FIGN: variants seen among roughly 807,000 people sequenced by gnomAD.
The protein encoded by FIGN is fidgetin, microtubule severing factor, also known as fidgetin.
Under a neutral mutation model 51.3 loss-of-function variants are expected in FIGN, and 11 were observed. The observed-to-expected ratio is 0.21, with a 90% CI of 0.13 to 0.35. The LOEUF is 0.35. FIGN is among the 10% of genes least tolerant of loss of function. The pLI is 1.00. For synonymous variants in FIGN, 407 were observed against 363.2 expected, an observed-to-expected ratio of 1.12 and a Z score of -1.37; for missense variants, 857 against 943.6, an observed-to-expected ratio of 0.91 and a Z score of 1.20.
At chr2:163,699,730 G>A (rs1684378672) in intron 2 of FIGN, among the ~76,000 whole-genome samples, 1 of 152,128 alleles carries the variant, frequency 6.6e-6, no homozygotes, top group Admixed American at 6.6e-5. Context: ...AGAATCTGTA[G>A]TGAATTTTTG....
At chr2:163,696,492 A>G (rs1684321378) in intron 2 of FIGN, among the ~76,000 whole-genome samples, 1 of 152,198 alleles carries the variant, frequency 6.6e-6, no homozygotes, top group African/African-American at 2.4e-5. Context: ...GCAAGTATCC[A>G]GGAGTTATTT....
chr2:163,607,676 A>G lies in FIGN; in HGVS notation c.*1876T>C, dbSNP rs1691139284. On this transcript the variant is annotated 3_prime_UTR_variant, in exon 3 of 3. Coordinates refer to ENST00000333129, the MANE Select transcript of FIGN (RefSeq NM_018086.4). The stretch of plus-strand genomic sequence containing the variant: ...AATGTACATCACTTATTTATTGAAT[A>G]CATAAAATGCCAGTGCTTTGCAACA... The G allele has an allele frequency of 6.6e-6, 1 of 152,618 alleles. No homozygotes were observed. The highest frequency in any genetic ancestry group is 1.5e-5 in the Non-Finnish European group (1 of 68,044). The allele number at this position is 152,618 out of a possible 1,614,324, so 9.5% of individuals were successfully genotyped here. A position where few individuals can be genotyped will look rare whatever the true frequency, so the allele number is the denominator to read the frequency against.
At chr2:163,719,345 A>C (rs539406390) in intron 2 of FIGN, among the ~76,000 whole-genome samples, 9 of 152,178 alleles carry the variant, frequency 5.9e-5, no homozygotes, top group Non-Finnish European at 1.2e-4. Context: ...AGGAGAAGGC[A>C]GAGAGGAAGC....
intron 2 of FIGN, among the ~76,000 whole-genome samples, chr2:163,642,168 C>T (rs1683315788): frequency 6.6e-6 from 1 of 152,154 alleles, no homozygotes; most frequent in South Asian, 2.1e-4. Flanking sequence ...GTAAAATACC[C>T]ATTGAGAGTT....
At chr2:163,672,531 C>T (rs928614703) in intron 2 of FIGN, among the ~76,000 whole-genome samples, 4 of 152,130 alleles carry the variant, frequency 2.6e-5, no homozygotes, top group Non-Finnish European at 4.4e-5. Context: ...GCTCTGCACA[C>T]AATAGGTGCT....
chr2:163,625,620 G>A (rs974681191), intron 2 of FIGN, among the ~76,000 whole-genome samples: 8 of 151,904 alleles, frequency 5.3e-5, no homozygotes, highest in African/African-American at 1.9e-4. Flanking sequence ...GATGATGCAT[G>A]TGCTAAAATA....
chr2:163,683,280 G>A (rs1456002795), intron 2 of FIGN, among the ~76,000 whole-genome samples: 1 of 152,146 alleles, frequency 6.6e-6, no homozygotes, highest in Non-Finnish European at 1.5e-5. Context: ...GATTAGTTTT[G>A]TAAATAGAGT....
chr2:163,652,355 C>CACAA (rs1239756271), intron 2 of FIGN, among the ~76,000 whole-genome samples: 1 of 132,618 alleles, frequency 7.5e-6, no homozygotes, highest in Admixed American at 7.5e-5. Context: ...CACACACACA[C>CACAA]ACACAAACAC....
At chr2:163,612,204 TA>T (rs1266898485) in intron 2 of FIGN, 19 of 559,102 alleles carry the variant, frequency 3.4e-5, no homozygotes, top group Non-Finnish European at 4.3e-5. Context: ...ACATTTTAAA[TA>T]TCTTGCACAT....
chr2:163,611,654 A>G lies in FIGN; in HGVS notation c.178T>C (p.Ser60Pro). The change falls in exon 3 of 3, where the codon TCT becomes CCT. Residue 60 changes from serine to proline, a missense_variant. By Grantham distance (74) the Ser-to-Pro change is moderately conservative. Coordinates refer to ENST00000333129, the MANE Select transcript of FIGN (RefSeq NM_018086.4). ...AGTAGGTTGGATGCAGTCAGAGCAG[A>G]TATGTCATCATTCGCCCAGGCGTAC... ...YQYAWANDDI[S>P]ALTASNLLKK... The G allele has an allele frequency of 6.2e-7, 1 of 1,614,196 alleles. No individual in the cohort carries two copies. The highest frequency in any genetic ancestry group is 8.5e-7 in the Non-Finnish European group (1 of 1,180,018).
intron 2 of FIGN, among the ~76,000 whole-genome samples, chr2:163,708,295 A>G (rs1684533327): frequency 6.6e-6 from 1 of 152,188 alleles, no homozygotes; most frequent in Non-Finnish European, 1.5e-5. Context: ...ATTAAATGTA[A>G]TTAAGACTGT....
chr2:163,703,912 C>A (rs1268357253), intron 2 of FIGN, among the ~76,000 whole-genome samples: 4 of 151,986 alleles, frequency 2.6e-5, no homozygotes, highest in Non-Finnish European at 4.4e-5. Flanking sequence ...CATAGATTAC[C>A]AGCATTACAA....
chr2:163,616,434 T>C (rs1294833013), intron 2 of FIGN, among the ~76,000 whole-genome samples: 1 of 152,228 alleles, frequency 6.6e-6, no homozygotes, highest in Non-Finnish European at 1.5e-5. Flanking sequence ...ATACGTGTAC[T>C]ATTCAACAGT....
At chr2:163,650,880 A>G (rs10192130) in intron 2 of FIGN, among the ~76,000 whole-genome samples, 8,601 of 152,208 alleles carry the variant, frequency 0.057, 798 homozygotes, top group African/African-American at 0.19. Flanking sequence ...AAACTGCCAG[A>G]CAAGTACATT....
chr2:163,697,079 T>C (rs1684332066), intron 2 of FIGN, among the ~76,000 whole-genome samples: 2 of 149,994 alleles, frequency 1.3e-5, no homozygotes, highest in Non-Finnish European at 3.0e-5. Context: ...CATTGTGTCA[T>C]AATTTTTTTT....
intron 2 of FIGN, among the ~76,000 whole-genome samples, chr2:163,689,173 A>AACACACACACACACACAC (rs58519537): frequency 0.14 from 20,131 of 144,526 alleles, 1,567 homozygotes; most frequent in East Asian, 0.29. Context: ...AACAAAAATG[A>AACACACACACACACACAC]ACACACACAC....
rs528357941 is a variant in FIGN, at chr2:163,639,125, T to C, written c.26-27319A>G. ...ACATAAGGTGGACAACAAAAATATA[T>C]TTAAATTTTTTTCAATGCTCTTTAC... is the stretch of plus-strand genomic sequence containing the variant. On this transcript the variant is annotated intron_variant, in intron 2 of 2. Coordinates refer to ENST00000333129, the MANE Select transcript of FIGN (RefSeq NM_018086.4). 2.4e-4 allele frequency among the ~76,000 whole-genome samples: 37 copies of C among 152,232 alleles called. No homozygotes were observed. In the South Asian group the frequency reaches 7.5e-3, roughly 31 times the overall value.
At chr2:163,669,655 C>T (rs1683844221) in intron 2 of FIGN, among the ~76,000 whole-genome samples, 2 of 152,132 alleles carry the variant, frequency 1.3e-5, no homozygotes, top group Admixed American at 6.5e-5. Context: ...CTGAATAAAA[C>T]AATTTCTTTT....
At chr2:163,657,500 CTGTG>C (rs72033079) in intron 2 of FIGN, among the ~76,000 whole-genome samples, 114 of 147,512 alleles carry the variant, frequency 7.7e-4, no homozygotes, top group Middle Eastern at 3.5e-3. Context: ...CAGAGGGAGT[CTGTG>C]TGTGTGTGTG....
Sources: allele counts gnomAD v4.1 joint callset (sites outside exome capture counted in the v4.1 genomes callset), GRCh38; gene constraint gnomAD v4.1.1; transcripts MANE v1.5; gene names NCBI Gene and HGNC (gene_info 2026-07-23, HGNC 2026-07-21).